CHSY3: variants seen among roughly 807,000 people sequenced by gnomAD.
CHSY3 encodes chondroitin sulfate synthase 3, also known as N-acetylgalactosaminyl-proteoglycan 3-beta-glucuronosyltransferase 3.
A neutral mutation model predicts 67.2 loss-of-function variants in CHSY3; 35 were observed. The observed-to-expected ratio is 0.52, with a 90% confidence interval of 0.40 to 0.69. The LOEUF is 0.69. CHSY3 is among the 30% of genes least tolerant of loss of function. CHSY3 has a pLI of 0.00. For missense variants in CHSY3, 1,069 were observed against 1,138.5 expected, an observed-to-expected ratio of 0.94 and a Z score of 0.88; for synonymous variants, 474 against 434.7, an observed-to-expected ratio of 1.09 and a Z score of -1.12.
chr5:130,138,295 C>G (rs778673208), intron 2 of CHSY3, among the ~76,000 whole-genome samples: 2 of 152,168 alleles, frequency 1.3e-5, no homozygotes, highest in Non-Finnish European at 2.9e-5. Context: ...CACATCTCCT[C>G]AGGCGTCTAA....
At chr5:129,982,870 A>G (rs183551417) in intron 2 of CHSY3, among the ~76,000 whole-genome samples, 17 of 152,264 alleles carry the variant, frequency 1.1e-4, no homozygotes, top group Admixed American at 1.0e-3. Context: ...ATAGCTACTT[A>G]GCAAAGCAGC....
intron 2 of CHSY3, among the ~76,000 whole-genome samples, chr5:130,085,922 G>A (rs562563528): frequency 6.6e-6 from 1 of 152,102 alleles, no homozygotes; most frequent in Non-Finnish European, 1.5e-5. Context: ...GAGCGGTTTT[G>A]GGTGAGTTTC....
intron 2 of CHSY3, among the ~76,000 whole-genome samples, chr5:130,063,695 T>A (rs1327295086): frequency 6.6e-6 from 1 of 152,122 alleles, no homozygotes. Flanking sequence ...TTCTCACAGT[T>A]CTGGAGGTTG....
chr5:130,140,701 G>A lies in CHSY3; in HGVS notation c.1087-43528G>A, dbSNP rs142860592. 735 of 301,624 alleles carry A rather than the reference G, an allele frequency of 2.4e-3. 3 individuals are homozygous for A. The highest frequency in any genetic ancestry group is 4.9e-3 in the Middle Eastern group (5 of 1,014). 18.7% of individuals were successfully genotyped at this position (301,624 alleles called of 1,614,324 possible). ...GGTCTACAGCCATAGCCACCCACTT[G>A]GGTTGAGAAGACTTTGATAACTGAA... On this transcript the variant is annotated intron_variant, in intron 2 of 2. Coordinates refer to ENST00000305031, the MANE Select transcript of CHSY3 (RefSeq NM_175856.5).
intron 2 of CHSY3, among the ~76,000 whole-genome samples, chr5:129,932,138 A>ATATG (rs1554070944): frequency 9.2e-6 from 1 of 109,048 alleles, no homozygotes; most frequent in Middle Eastern, 4.6e-3. Context: ...ATATATATAT[A>ATATG]TATATGTATA....
At chr5:130,120,394 G>A (rs1198281855) in intron 2 of CHSY3, among the ~76,000 whole-genome samples, 2 of 149,540 alleles carry the variant, frequency 1.3e-5, no homozygotes, top group Non-Finnish European at 3.0e-5. Context: ...ATAACACTCA[G>A]GCTTCCCAGA....
intron 2 of CHSY3, among the ~76,000 whole-genome samples, chr5:130,099,259 G>A (rs1767149698): frequency 6.6e-6 from 1 of 152,290 alleles, no homozygotes; most frequent in South Asian, 2.1e-4. Flanking sequence ...CATTTCCAGT[G>A]CTCCTTTCCA....
chr5:130,115,795 G>A (rs879874195), intron 2 of CHSY3, among the ~76,000 whole-genome samples: 4 of 152,146 alleles, frequency 2.6e-5, no homozygotes, highest in Non-Finnish European at 2.9e-5. Flanking sequence ...GAGCTCAGCC[G>A]GATTACATAC....
chr5:130,166,572 A>T (rs1366079584), intron 2 of CHSY3, among the ~76,000 whole-genome samples: 1 of 152,142 alleles, frequency 6.6e-6, no homozygotes, highest in Non-Finnish European at 1.5e-5. Flanking sequence ...GATTTTTGTT[A>T]GCACTATCTT....
chr5:130,151,545 C>A (rs961382747), intron 2 of CHSY3, among the ~76,000 whole-genome samples: 1 of 152,130 alleles, frequency 6.6e-6, no homozygotes, highest in African/African-American at 2.4e-5. Context: ...TGAAGATATA[C>A]CCCAGACTGA....
chr5:130,083,617 A>T (rs1400558295), intron 2 of CHSY3, among the ~76,000 whole-genome samples: 1 of 152,058 alleles, frequency 6.6e-6, no homozygotes, highest in Non-Finnish European at 1.5e-5. Context: ...AGAAATAGAA[A>T]TGAATGTTTG....
chr5:129,933,478 G>C (rs1304847543), intron 2 of CHSY3, among the ~76,000 whole-genome samples: 1 of 136,902 alleles, frequency 7.3e-6, no homozygotes, highest in African/African-American at 2.6e-5. Context: ...TTCTAAATCT[G>C]AATATTATAT....
At chr5:129,931,651 T>A (rs923317566) in intron 2 of CHSY3, among the ~76,000 whole-genome samples, 7 of 152,198 alleles carry the variant, frequency 4.6e-5, no homozygotes, top group Non-Finnish European at 1.0e-4. Flanking sequence ...TAAATGATGC[T>A]GTTAGGGTCT....
intron 2 of CHSY3, among the ~76,000 whole-genome samples, chr5:130,115,359 C>G (rs957126913): frequency 1.3e-5 from 2 of 152,058 alleles, no homozygotes; most frequent in African/African-American, 2.4e-5. Context: ...AAAGTCACTT[C>G]AAAGCAAGGC....
At chr5:129,916,165 C>G (rs554281747) in intron 2 of CHSY3, among the ~76,000 whole-genome samples, 1 of 152,166 alleles carries the variant, frequency 6.6e-6, no homozygotes, top group African/African-American at 2.4e-5. Context: ...TTATGTCTCA[C>G]TCAAATGTTT....
chr5:129,918,850 G>A (rs1414257671), intron 2 of CHSY3, among the ~76,000 whole-genome samples: 2 of 150,552 alleles, frequency 1.3e-5, no homozygotes, highest in Non-Finnish European at 3.0e-5. Flanking sequence ...GCTCACGCCT[G>A]TAATCCCAGC....
chr5:130,088,991 G>A (rs1245517099), intron 2 of CHSY3, among the ~76,000 whole-genome samples: 3 of 151,990 alleles, frequency 2.0e-5, no homozygotes, highest in African/African-American at 7.3e-5. Flanking sequence ...AACAATGATA[G>A]ACTGGATTAA....
chr5:130,053,286 G>A (rs1333907086), intron 2 of CHSY3, among the ~76,000 whole-genome samples: 3 of 152,036 alleles, frequency 2.0e-5, no homozygotes, highest in Admixed American at 1.3e-4. Flanking sequence ...GACAATGAGG[G>A]CAGAGTCAAA....
At chr5:129,986,261 C>G (rs1477424985) in intron 2 of CHSY3, among the ~76,000 whole-genome samples, 1 of 152,072 alleles carries the variant, frequency 6.6e-6, no homozygotes, top group Non-Finnish European at 1.5e-5. Flanking sequence ...TAGCTAAAGC[C>G]TTTTCTGTAT....
Sources: allele counts gnomAD v4.1 joint callset (sites outside exome capture counted in the v4.1 genomes callset), GRCh38; gene constraint gnomAD v4.1.1; transcripts MANE v1.5; gene names NCBI Gene and HGNC (gene_info 2026-07-23, HGNC 2026-07-21).